The following PGC variants were observed in gnomAD, a reference collection of about 807,000 sequenced individuals.
PGC encodes the protein progastricsin, also known as gastricsin.
In PGC, 31 loss-of-function variants were observed where a neutral mutation model predicts 45.9. The ratio of observed to expected loss-of-function variants is 0.67; its 90% CI spans 0.51 to 0.91. PGC has a LOEUF of 0.91. Ranked by LOEUF, PGC falls within the 40% of genes least tolerant of loss-of-function variation. PGC has a pLI of 0.00. For synonymous variants in PGC, 192 were observed against 201.8 expected (o/e 0.95, Z 0.41); for missense variants, 477 against 493.2 (o/e 0.97, Z 0.31).
intron 4 of PGC, 36 bp from the exon 5 acceptor site, chr6:41,742,525 T>A (rs762565205): frequency 6.5e-7 from 1 of 1,533,318 alleles, no homozygotes; most frequent in Admixed American, 1.7e-5. Flanking sequence ...GTGACCAGTC[T>A]GACTCCACTC....
chr6:41,743,993 A>G (rs1240562396), intron 3 of PGC, among the ~76,000 whole-genome samples: 6 of 152,196 alleles, frequency 3.9e-5, no homozygotes, highest in Non-Finnish European at 7.3e-5. Flanking sequence ...TCTTGGAGAC[A>G]CTCAGTGAGA....
intron 8 of PGC, among the ~76,000 whole-genome samples, chr6:41,737,246 CT>C (rs969592140): frequency 2.0e-4 from 30 of 152,208 alleles, no homozygotes; most frequent in Non-Finnish European, 3.5e-4. Context: ...GGAAACTTCT[CT>C]TCCCACAGAC....
chr6:41,741,834 C>G (rs1032913639), intron 5 of PGC: 1 of 1,535,752 alleles, frequency 6.5e-7, no homozygotes. Context: ...CAGAAGACTC[C>G]AGGACCAGGC....
At position 41,739,902 on chromosome 6, in the gene PGC, C is replaced by T. The variant is rs1490522317; in HGVS notation, c.812G>A (p.Cys271Tyr). 1.2e-6 allele frequency: 2 copies of T among 1,614,164 alleles called. No homozygotes were observed. Among genetic ancestry groups the T allele is most frequent in the Non-Finnish European group, 8.5e-7 (1 of 1,180,004 alleles). Residue 271 changes from cysteine (C) to tyrosine (Y), a missense_variant, in exon 7 of 9, where the codon TGC becomes TAC. Physicochemically the swap from Cys to Tyr is radical, Grantham distance 194 (BLOSUM62 -2). Transcript: ENST00000373025. ...GQASGWCSEG[C>Y]QAIVDTGTSL... The stretch of plus-strand genomic sequence containing the variant: ...GGTGCCTGTGTCCACGATGGCCTGG[C>T]AACCCTCAGAACACCAGCCGGAGGC...
intron 1 of PGC, among the ~76,000 whole-genome samples, chr6:41,746,749 T>C (rs1771936483): frequency 1.3e-5 from 2 of 152,236 alleles, no homozygotes; most frequent in African/African-American, 4.8e-5. Flanking sequence ...ACAGGCAGGA[T>C]GGCAGGCTGG....
intron 7 of PGC, 39 bp from the exon 8 acceptor site, chr6:41,737,867 C>G: frequency 2.5e-6 from 3 of 1,191,948 alleles, no homozygotes; most frequent in Non-Finnish European, 3.8e-6. Flanking sequence ...TCATCCTCCC[C>G]CTGATAGCAC....
At position 41,739,907 on chromosome 6, in the gene PGC, C is replaced by T. The variant is rs1771789918; in HGVS notation, c.807G>A (p.Glu269=). 1 of 1,614,034 alleles carries T rather than the reference C, an allele frequency of 6.2e-7. No homozygotes were observed. Among genetic ancestry groups the T allele is most frequent in the African/African-American group, 1.3e-5 (1 of 74,940 alleles). The change falls in exon 7 of 9, where the codon GAG becomes GAA. Residue 269 remains glutamate (E), a synonymous_variant. Transcript: ENST00000373025. ...IGGQASGWCS[E]GCQAIVDTGT... ...CTGTGTCCACGATGGCCTGGCAACC[C>T]TCAGAACACCAGCCGGAGGCCTGGC... is the stretch of plus-strand genomic sequence containing the variant.
chr6:41,740,956 C>A, intron 5 of PGC: 1 of 1,509,756 alleles, frequency 6.6e-7, no homozygotes, highest in East Asian at 2.5e-5. Flanking sequence ...TCTGGCCAGG[C>A]CTTGGAATTC....
chr6:41,746,436 T>C (rs1023324177), intron 1 of PGC, among the ~76,000 whole-genome samples: 1 of 152,218 alleles, frequency 6.6e-6, no homozygotes, highest in African/African-American at 2.4e-5. Flanking sequence ...TTGGAACTTA[T>C]AAATCACCGT....
intron 7 of PGC, 131 bp downstream of exon 7, chr6:41,739,668 C>T (rs1771785780): frequency 1.1e-6 from 1 of 880,620 alleles, no homozygotes; most frequent in East Asian, 2.6e-5. Flanking sequence ...ATCTGCCTGC[C>T]TTGGCCTCCC....
At chr6:41,740,414 C>A in intron 6 of PGC, 77 bp downstream of exon 6, 1 of 1,505,092 alleles carries the variant, frequency 6.6e-7, no homozygotes, top group South Asian at 1.3e-5. Flanking sequence ...CAGTGCCAGA[C>A]TGTGTGTGTG....
At position 41,743,411 on chromosome 6, in the gene PGC, G is replaced by A. The variant is rs1045308275; in HGVS notation, c.329-22C>T. 1.3e-5 allele frequency: 20 copies of A among 1,491,194 alleles called. No individual in the cohort carries two copies. The African/African-American group carries it at 1.4e-4, about 10-fold the overall frequency. 92.4% of individuals were successfully genotyped at this position (1,491,194 alleles called of 1,614,324 possible). A position where few individuals can be genotyped will look rare whatever the true frequency, so the allele number is the denominator to read the frequency against. On this transcript the variant is annotated intron_variant, in intron 3 of 8. Coordinates refer to ENST00000373025, the MANE Select transcript of PGC (RefSeq NM_002630.4). ...CTGGCTGCAGGGGAGTCAGGGCATG[G>A]GGAGTCAGGCCGGCTGGGGCAGGGC...
Position 41,744,259 on chromosome 6 carries a change from G to T in PGC, c.328+138C>A. On this transcript the variant is annotated intron_variant, in intron 3 of 8. Transcript: ENST00000373025. This position sits in a 1 kb window ranked among gnomAD's most constrained non-coding sequence, Gnocchi z 4.4. ...TTCCTCTGGCTTGGGCATGCTGTGT[G>T]GCCCTGCACATGTCCCTGGTCCTCC... The T allele has an allele frequency of 1.7e-6, 1 of 595,654 alleles. No homozygotes were observed. The allele number at this position is 595,654 out of a possible 1,614,324, so 36.9% of individuals were successfully genotyped here. A position where few individuals can be genotyped will look rare whatever the true frequency, so the allele number is the denominator to read the frequency against.
In PGC at chr6:41,747,366, A is replaced by G; in HGVS notation, c.-32T>C. ...GGTCCCCAACTGGCCACAGAGGAAG[A>G]GCAGCTCTGAGTTCTGCAGTCGCAG... On this transcript the variant is annotated 5_prime_UTR_variant, in exon 1 of 9. Coordinates refer to ENST00000373025, the MANE Select transcript of PGC (RefSeq NM_002630.4). 1.3e-6 allele frequency: 2 copies of G among 1,594,180 alleles called. No homozygotes were observed. The highest frequency in any genetic ancestry group is 1.7e-6 in the Non-Finnish European group (2 of 1,161,944).
At chr6:41,738,157 C>CAT (rs5875767) in intron 7 of PGC, among the ~76,000 whole-genome samples, 3,307 of 23,288 alleles carry the variant, frequency 0.14, 566 homozygotes, top group African/African-American at 0.24. Flanking sequence ...TATATATATA[C>CAT]ATATATATGC....
chr6:41,739,977 A>T (rs779889114), intron 6 of PGC, 31 bp from the exon 7 acceptor site: 7 of 1,606,794 alleles, frequency 4.4e-6, no homozygotes, highest in South Asian at 2.2e-5. Context: ...CAGCCTCAGG[A>T]CTCCCCCAGT....
At chr6:41,737,232 G>C (rs773593548) in intron 8 of PGC, among the ~76,000 whole-genome samples, 10 of 152,162 alleles carry the variant, frequency 6.6e-5, no homozygotes, top group South Asian at 2.1e-4. Context: ...CTCTCCCCAT[G>C]ATGGGAAACT....
chr6:41,744,784 A>G lies in PGC; in HGVS notation c.84T>C (p.Ser28=). Residue 28 remains serine, a synonymous_variant, in exon 2 of 9, where the codon TCT becomes TCC. Coordinates refer to ENST00000373025, the MANE Select transcript of PGC (RefSeq NM_002630.4). The surrounding 1 kb of genome is among the most constrained non-coding windows in gnomAD (Gnocchi z 4.4). ...CCTTCTCCTTCATGGTCTCACGGAT[A>G]GACTTAAATTTCTTCAGGGGCACTC... ...VVKVPLKKFK[S]IRETMKEKGL... The G allele has an allele frequency of 6.2e-7, 1 of 1,614,080 alleles. No homozygotes were observed. The highest frequency in any genetic ancestry group is 8.5e-7 in the Non-Finnish European group (1 of 1,179,968).
rs1024523148 is a variant in PGC, at chr6:41,740,901, T to C, written c.648-291A>G. The C allele has an allele frequency of 8.3e-6, 12 of 1,447,982 alleles. No homozygotes were observed. In the South Asian group the frequency reaches 1.2e-4, roughly 14 times the overall value. The allele number at this position is 1,447,982 out of a possible 1,614,324, so 89.7% of individuals were successfully genotyped here. A position where few individuals can be genotyped will look rare whatever the true frequency, so the allele number is the denominator to read the frequency against. On this transcript the variant is annotated intron_variant, in intron 5 of 8. Transcript: ENST00000373025. ...TGAGGATGGGGCTGTATCCCTTAGA[T>C]TGGGGCTCCCTGGGGACTGGGATGC...
Sources: allele counts gnomAD v4.1 joint callset (sites outside exome capture counted in the v4.1 genomes callset), GRCh38; gene constraint gnomAD v4.1.1; non-coding constraint Gnocchi (gnomAD v3.1); transcripts MANE v1.5; gene names NCBI Gene and HGNC (gene_info 2026-07-23, HGNC 2026-07-21).